Variants in SLC16A1 observed in about 807,000 individuals in gnomAD.
SLC16A1 encodes the protein monocarboxylate transporter 1.
A neutral mutation model predicts 32.2 loss-of-function variants in SLC16A1; 11 were observed. That is an observed-to-expected ratio of 0.34 (90% CI 0.21 to 0.56). SLC16A1 has a LOEUF of 0.56. SLC16A1 is among the 20% of genes least tolerant of loss of function. The probability of loss-of-function intolerance (pLI) is 0.87; values close to 1 mark genes in which losing one functional copy is unlikely to be tolerated. For synonymous variants in SLC16A1, 231 were observed against 226.8 expected (o/e 1.02, Z -0.17); for missense variants, 435 against 615.0 (o/e 0.71, Z 3.10).
chr1:112,923,479 G>A (rs1482725642), intron 2 of SLC16A1: 15 of 813,464 alleles, frequency 1.8e-5, no homozygotes, highest in Non-Finnish European at 2.4e-5. Flanking sequence ...GTAGTCACCC[G>A]CGCCTTCCTG....
intron 4 of SLC16A1, among the ~76,000 whole-genome samples, chr1:112,914,975 T>G (rs747092479): frequency 1.3e-5 from 2 of 152,234 alleles, no homozygotes; most frequent in Admixed American, 6.5e-5. Flanking sequence ...TTTATTAGCA[T>G]CTCATTGAAC....
chr1:112,940,967 A>G (rs1415546565), intron 1 of SLC16A1, among the ~76,000 whole-genome samples: 1 of 152,176 alleles, frequency 6.6e-6, no homozygotes, highest in African/African-American at 2.4e-5. Flanking sequence ...TCTCACTTAT[A>G]AGTGTGAGCT....
At chr1:112,920,859 G>A (rs1046699625) in intron 3 of SLC16A1, among the ~76,000 whole-genome samples, 1 of 151,930 alleles carries the variant, frequency 6.6e-6, no homozygotes, top group African/African-American at 2.4e-5. Context: ...ACATCAGAAG[G>A]CCGGGCAAGG....
chr1:112,923,601 T>C (rs1648819897), intron 2 of SLC16A1: 1 of 1,392,060 alleles, frequency 7.2e-7, no homozygotes. Context: ...GTTTGGGAAC[T>C]CCCTGAAACC....
chr1:112,941,668 A>C (rs557527328), intron 1 of SLC16A1, among the ~76,000 whole-genome samples: 1 of 152,252 alleles, frequency 6.6e-6, no homozygotes, highest in South Asian at 2.1e-4. Flanking sequence ...TTTCCTAACA[A>C]GAAAGCTCGC....
chr1:112,917,479 G>A lies in SLC16A1; in HGVS notation c.927C>T (p.Asp309=). 2 of 1,614,176 alleles carry A rather than the reference G, an allele frequency of 1.2e-6. No homozygotes were observed. The highest frequency in any genetic ancestry group is 1.7e-6 in the Non-Finnish European group (2 of 1,180,028). The change falls in exon 4 of 5, where the codon GAC becomes GAT. Residue 309 remains aspartate (D), a synonymous_variant. Coordinates refer to ENST00000369626, the MANE Select transcript of SLC16A1 (RefSeq NM_003051.4). The surrounding 1 kb of genome is among the most constrained non-coding windows in gnomAD (Gnocchi z 4.1). Reference sequence around the variant, plus strand: ...GTCCCATAGATGGTCGGGCTACCATGTCAACAAAAGCCAGAATGGAAAGAA... The same window carrying A: ...GTCCCATAGATGGTCGGGCTACCATATCAACAAAAGCCAGAATGGAAAGAA... ...AFLLSILAFV[D]MVARPSMGLV...
At chr1:112,921,949 G>T (rs778896380) in intron 3 of SLC16A1, 41 bp downstream of exon 3, 1 of 1,610,830 alleles carries the variant, frequency 6.2e-7, no homozygotes, top group Non-Finnish European at 8.5e-7. Flanking sequence ...AAAATAGCCA[G>T]CCATAAACTA....
intron 1 of SLC16A1, among the ~76,000 whole-genome samples, chr1:112,940,086 C>G (rs575921500): frequency 6.4e-4 from 90 of 139,772 alleles, no homozygotes; most frequent in African/African-American, 2.4e-3. Flanking sequence ...CTCGCTGTGT[C>G]ACCCAGGCTG....
At chr1:112,929,410 T>C (rs1649048684) in intron 1 of SLC16A1, 58 bp from the exon 2 acceptor site, 1 of 967,038 alleles carries the variant, frequency 1.0e-6, no homozygotes, top group African/African-American at 1.6e-5. Context: ...TAAAACTCTT[T>C]TGTGAAATAA....
chr1:112,922,535 A>G (rs1648772717), intron 2 of SLC16A1: 1 of 242,720 alleles, frequency 4.1e-6, no homozygotes, highest in African/African-American at 2.3e-5. Flanking sequence ...GCACTTTGGG[A>G]GGCTGGGGCA....
chr1:112,949,050 G>A (rs1557857034), intron 1 of SLC16A1, among the ~76,000 whole-genome samples: 1 of 151,762 alleles, frequency 6.6e-6, no homozygotes, highest in Non-Finnish European at 1.5e-5. Flanking sequence ...TAGAGACAGG[G>A]TTTCACCGTG....
intron 2 of SLC16A1, among the ~76,000 whole-genome samples, chr1:112,926,087 T>C (rs1213181050): frequency 6.6e-6 from 1 of 152,238 alleles, no homozygotes; most frequent in Non-Finnish European, 1.5e-5. Context: ...TGGTCCTCAA[T>C]AAATACTGGC....
chr1:112,945,189 G>A (rs1043754866), intron 1 of SLC16A1, among the ~76,000 whole-genome samples: 7 of 151,638 alleles, frequency 4.6e-5, no homozygotes, highest in African/African-American at 1.5e-4. Context: ...AGTAAGGGTA[G>A]GGTTTCGCCC....
At chr1:112,925,861 T>G (rs187889981) in intron 2 of SLC16A1, among the ~76,000 whole-genome samples, 1 of 152,348 alleles carries the variant, frequency 6.6e-6, no homozygotes, top group African/African-American at 2.4e-5. Context: ...CCATAAATAC[T>G]ATGAAAAATA....
chr1:112,937,223 C>A (rs1244620170), intron 1 of SLC16A1, among the ~76,000 whole-genome samples: 2 of 152,202 alleles, frequency 1.3e-5, no homozygotes, highest in African/African-American at 4.8e-5. Context: ...CTAATACGTG[C>A]TGGACGTGAT....
chr1:112,920,162 GT>G (rs1311587288), intron 3 of SLC16A1, among the ~76,000 whole-genome samples: 1 of 152,202 alleles, frequency 6.6e-6, no homozygotes, highest in African/African-American at 2.4e-5. Flanking sequence ...TATGTCAGAT[GT>G]TTTCATCCAT....
rs1648379631 is a variant in SLC16A1, at chr1:112,913,088, G to C, written c.*803C>G. Reference sequence around the variant, plus strand: ...ATTTTAATACTAACTTTTCCAGTAAGAAAAATAATACCAGGTGATTTCAAA... The same window carrying C: ...ATTTTAATACTAACTTTTCCAGTAACAAAAATAATACCAGGTGATTTCAAA... On this transcript the variant is annotated 3_prime_UTR_variant, in exon 5 of 5. Transcript: ENST00000369626. 1 of 152,126 alleles carries C rather than the reference G, an allele frequency of 6.6e-6. No individual in the cohort carries two copies. The highest frequency in any genetic ancestry group is 2.4e-5 in the African/African-American group (1 of 41,438). The allele number at this position is 152,126 out of a possible 1,614,324, so 9.4% of individuals were successfully genotyped here.
Position 112,917,255 on chromosome 1 carries a change from G to A in SLC16A1, c.1151C>T (p.Pro384Leu), listed in dbSNP as rs1457623983. ...TCCCACAGCGCTGGAGAACCTCTGG[G>A]GTCCAACAAGGTCCATCAATGTTTC... ...LFETLMDLVG[P>L]QRFSSAVGLV... is the part of the protein sequence containing the mutation. Residue 384 changes from proline to leucine, a missense_variant, in exon 4 of 5, where the codon CCC becomes CTC. This residue lies in a region of SLC16A1 where 324 missense variants were observed against 500.3 expected (regional missense o/e 0.65). Coordinates refer to ENST00000369626, the MANE Select transcript of SLC16A1 (RefSeq NM_003051.4). This position sits in a 1 kb window ranked among gnomAD's most constrained non-coding sequence, Gnocchi z 4.1. The A allele has an allele frequency of 1.2e-6, 2 of 1,613,946 alleles. No homozygotes were observed. The highest frequency in any genetic ancestry group is 2.7e-5 in the African/African-American group (2 of 74,874).
chr1:112,947,308 T>C (rs1649738778), intron 1 of SLC16A1, among the ~76,000 whole-genome samples: 1 of 152,194 alleles, frequency 6.6e-6, no homozygotes, highest in African/African-American at 2.4e-5. Flanking sequence ...AAGTTACAAA[T>C]AAGTGAGTTG....
Sources: allele counts gnomAD v4.1 joint callset (sites outside exome capture counted in the v4.1 genomes callset), GRCh38; gene constraint gnomAD v4.1.1; regional missense constraint gnomAD v4.1.1; non-coding constraint Gnocchi (gnomAD v3.1); transcripts MANE v1.5; gene names NCBI Gene and HGNC (gene_info 2026-07-23, HGNC 2026-07-21).